Variants in TRIM39 observed in about 807,000 individuals in gnomAD.
The protein encoded by TRIM39 is tripartite motif containing 39.
A neutral mutation model predicts 53.6 loss-of-function variants in TRIM39; 5 were observed. That is an observed-to-expected ratio of 0.09 (90% CI 0.05 to 0.20). The LOEUF (loss-of-function observed/expected upper bound fraction) is 0.20, where lower values mean the gene tolerates loss of function less well. TRIM39 is among the 10% of genes least tolerant of loss of function. The pLI is 1.00. For missense variants in TRIM39, 310 were observed against 621.0 expected (o/e 0.50, Z 5.32); for synonymous variants, 196 against 237.6 (o/e 0.82, Z 1.61).
chr6:30,334,203 C>G (rs1347323086), intron 4 of TRIM39, among the ~76,000 whole-genome samples: 1 of 152,220 alleles, frequency 6.6e-6, no homozygotes, highest in Non-Finnish European at 1.5e-5. Context: ...TCCCCACTCT[C>G]TCTCCACCCT....
chr6:30,333,211 G>C (rs2127394746), intron 4 of TRIM39, among the ~76,000 whole-genome samples: 1 of 152,224 alleles, frequency 6.6e-6, no homozygotes, highest in Non-Finnish European at 1.5e-5. Flanking sequence ...TTTTGGTAAA[G>C]TTCTAAGTAT....
chr6:30,343,217 G>A (rs1053451920), exon 8 of TRIM39: 25 of 152,678 alleles, frequency 1.6e-4, no homozygotes, highest in Admixed American at 1.6e-3. Context: ...CTTCTTACCT[G>A]GCCAAGGTGT....
chr6:30,340,298 C>T (rs750839042), intron 6 of TRIM39: 14 of 1,612,902 alleles, frequency 8.7e-6, no homozygotes, highest in African/African-American at 5.3e-5. Context: ...TTCGGAGGCT[C>T]ACTCTCAACG....
chr6:30,327,148 GC>G, intron 1 of TRIM39, 153 bp downstream of exon 1: 1 of 152,712 alleles, frequency 6.5e-6, no homozygotes. Context: ...CGGACGTTTT[GC>G]CGCCCCGGCG....
At chr6:30,337,328 C>T (rs538903953) in intron 5 of TRIM39, among the ~76,000 whole-genome samples, 2 of 152,188 alleles carry the variant, frequency 1.3e-5, no homozygotes, top group African/African-American at 4.8e-5. Context: ...TCGCTTGAAC[C>T]CGAGAGGCAG....
At chr6:30,332,377 C>T (rs576122978) in intron 4 of TRIM39, among the ~76,000 whole-genome samples, 3 of 152,294 alleles carry the variant, frequency 2.0e-5, no homozygotes, top group Non-Finnish European at 4.4e-5. Context: ...AATTTGGCCT[C>T]ATTAAAGGTT....
In TRIM39 at chr6:30,342,331, G is replaced by A. The variant is rs1787639281; in HGVS notation, c.*72G>A. ...ACGGGCCTCCTTCCCGTGTCCTGCT[G>A]GAACGTCTTCGTGTCCACCTGGGTC... On this transcript the variant is annotated 3_prime_UTR_variant, in exon 8 of 8. Transcript: ENST00000396551. The surrounding 1 kb of genome is among the most constrained non-coding windows in gnomAD (Gnocchi z 4.7). 4 of 1,517,268 alleles carry A rather than the reference G, an allele frequency of 2.6e-6. No homozygotes were observed. Among genetic ancestry groups the A allele is most frequent in the African/African-American group, 2.7e-5 (2 of 73,102 alleles). The allele number at this position is 1,517,268 out of a possible 1,614,324, so 94.0% of individuals were successfully genotyped here.
chr6:30,331,719 G>A (rs927958509), intron 4 of TRIM39, among the ~76,000 whole-genome samples: 1 of 152,184 alleles, frequency 6.6e-6, no homozygotes, highest in East Asian at 1.9e-4. Flanking sequence ...TCATCTCTCA[G>A]GCGGGATGAA....
chr6:30,332,119 A>G (rs1786256913), intron 4 of TRIM39, among the ~76,000 whole-genome samples: 1 of 152,234 alleles, frequency 6.6e-6, no homozygotes, highest in Admixed American at 6.5e-5. Flanking sequence ...ACAGAAGGAA[A>G]TGGACCTTGG....
At position 30,330,989 on chromosome 6, in the gene TRIM39, G is replaced by A. The variant is rs1460194407; in HGVS notation, c.549+113G>A. On this transcript the variant is annotated intron_variant, in intron 4 of 7. Coordinates refer to ENST00000396551, the Ensembl canonical transcript of TRIM39. ...GGTTCATTAGAAAAATGCAGTTCTC[G>A]CCGGACATGGTGGCTCACACCTGTA... The A allele has an allele frequency of 1.8e-5, 23 of 1,265,362 alleles. No individual in the cohort carries two copies. The Admixed American group carries it at 1.8e-4, about 10-fold the overall frequency. 78.4% of individuals were successfully genotyped at this position (1,265,362 alleles called of 1,614,324 possible). A position where few individuals can be genotyped will look rare whatever the true frequency, so the allele number is the denominator to read the frequency against.
rs983294158 is a variant in TRIM39, at chr6:30,335,375, A to G, written c.550-370A>G. ...GATCTGTTGCCCAAGCTGGAGTGCA[A>G]TGGTGCAACAATTTCAGCTTACTCC... On this transcript the variant is annotated intron_variant, in intron 4 of 7. Transcript: ENST00000396551. This position sits in a 1 kb window ranked among gnomAD's most constrained non-coding sequence, Gnocchi z 4.7. Among the ~76,000 whole-genome samples, 1 of 151,652 alleles carries G rather than the reference A, an allele frequency of 6.6e-6. No homozygotes were observed. Among genetic ancestry groups the G allele is most frequent in the Admixed American group, 6.6e-5 (1 of 15,226 alleles).
In TRIM39 at chr6:30,342,037, T is replaced by C; in HGVS notation, c.1245T>C (p.Pro415=). ...ACAAATATGCAGCCACCACCACACCTTTTACCCCTTTGCACATCAAGGTGA... is the reference window on the plus strand; with the variant it reads ...ACAAATATGCAGCCACCACCACACCCTTTACCCCTTTGCACATCAAGGTGA... Residue 415 remains proline, a synonymous_variant, in exon 8 of 8, where the codon CCT becomes CCC. Transcript: ENST00000396551. This position sits in a 1 kb window ranked among gnomAD's most constrained non-coding sequence, Gnocchi z 4.7. 6.2e-7 allele frequency: 1 copy of C among 1,612,842 alleles called. No homozygotes were observed. Among genetic ancestry groups the C allele is most frequent in the African/African-American group, 1.3e-5 (1 of 74,964 alleles).
At chr6:30,343,631 G>A (rs1188276575) in exon 8 of TRIM39, 1 of 152,698 alleles carries the variant, frequency 6.5e-6, no homozygotes, top group Non-Finnish European at 1.5e-5. Flanking sequence ...ACTTTGTCCA[G>A]ACTCTCCTCC....
exon 2 of TRIM39, chr6:30,328,956 G>A (rs1283457385): frequency 4.1e-6 from 1 of 243,390 alleles, no homozygotes; most frequent in Non-Finnish European, 7.9e-6. Flanking sequence ...TTGGTTCTAA[G>A]ATATAAGTGG....
At chr6:30,327,760 G>C (rs1785556756) in intron 1 of TRIM39, 3 of 152,154 alleles carry the variant, frequency 2.0e-5, no homozygotes, top group Admixed American at 2.0e-4. Context: ...AGTCAAAGTT[G>C]GATTCCCACA....
chr6:30,335,874 C>G lies in TRIM39; in HGVS notation c.679C>G (p.Arg227Gly). The G allele has an allele frequency of 4.3e-6, 7 of 1,613,022 alleles. No individual in the cohort carries two copies. In the South Asian group the frequency reaches 5.5e-5, roughly 13 times the overall value. The stretch of plus-strand genomic sequence containing the variant: ...GGAACAGGACATTCTGCAGCGACTC[C>G]GAGAAAATGCTGCTCACCTTGGGGA... The change falls in exon 5 of 8, where the codon CGA (arginine) becomes GGA (glycine). Residue 227 changes from arginine to glycine, a missense_variant. This residue lies in a region of TRIM39 where 161 missense variants were observed against 210.0 expected (regional missense o/e 0.77). Coordinates refer to ENST00000396551, the Ensembl canonical transcript of TRIM39. This position sits in a 1 kb window ranked among gnomAD's most constrained non-coding sequence, Gnocchi z 4.7.
exon 8 of TRIM39, chr6:30,343,239 A>G (rs1327819289): frequency 6.5e-5 from 10 of 152,686 alleles, no homozygotes; most frequent in Non-Finnish European, 1.3e-4. Context: ...CAAGCCAGAA[A>G]GGAAAAAAGG....
chr6:30,327,054 G>A (rs928368875), intron 1 of TRIM39, 59 bp downstream of exon 1: 7 of 151,958 alleles, frequency 4.6e-5, no homozygotes, highest in Non-Finnish European at 8.8e-5. Context: ...GGCCGGCTCC[G>A]CAAGCCGCGT....
intron 4 of TRIM39, among the ~76,000 whole-genome samples, chr6:30,331,991 A>C (rs2127392387): frequency 6.6e-6 from 1 of 152,340 alleles, no homozygotes; most frequent in African/African-American, 2.4e-5. Context: ...AATTGGGATA[A>C]GTGAGACATA....
Sources: allele counts gnomAD v4.1 joint callset (sites outside exome capture counted in the v4.1 genomes callset), GRCh38; gene constraint gnomAD v4.1.1; regional missense constraint gnomAD v4.1.1; non-coding constraint Gnocchi (gnomAD v3.1); transcripts MANE v1.5; gene names NCBI Gene and HGNC (gene_info 2026-07-23, HGNC 2026-07-21).